The following CACYBP variants were observed in gnomAD, a reference collection of about 807,000 sequenced individuals.
CACYBP encodes the protein calcyclin-binding protein.
A neutral mutation model predicts 29.6 loss-of-function variants in CACYBP; 11 were observed. The observed-to-expected ratio is 0.37, with a 90% CI of 0.23 to 0.61. CACYBP has a LOEUF of 0.61. Ranked by LOEUF, CACYBP falls within the 20% of genes least tolerant of loss-of-function variation. The pLI is 0.65. For missense variants in CACYBP, 163 were observed against 260.7 expected (o/e 0.63, Z 2.58); for synonymous variants, 73 against 88.3 (o/e 0.83, Z 0.97).
At chr1:175,003,819 A>G (rs1004023916) in intron 1 of CACYBP, among the ~76,000 whole-genome samples, 1 of 152,246 alleles carries the variant, frequency 6.6e-6, no homozygotes, top group Admixed American at 6.5e-5. Context: ...TAACTCTTGA[A>G]TTTCATAAAA....
rs1024174184 is a variant in CACYBP, at chr1:175,010,814, G to A, written c.*735G>A. ...TTTTTCTTCATTAGAACAGTTTTATGATTTATTTGTCTAGGAGTATGTCAG... is the reference window on the plus strand; with the variant it reads ...TTTTTCTTCATTAGAACAGTTTTATAATTTATTTGTCTAGGAGTATGTCAG... On this transcript the variant is annotated 3_prime_UTR_variant, in exon 6 of 6. Transcript: ENST00000367679. 1 of 152,152 alleles carries A rather than the reference G, an allele frequency of 6.6e-6. No individual in the cohort carries two copies. The highest frequency in any genetic ancestry group is 1.5e-5 in the Non-Finnish European group (1 of 68,022). The allele number at this position is 152,152 out of a possible 1,614,324, so 9.4% of individuals were successfully genotyped here.
intron 1 of CACYBP, among the ~76,000 whole-genome samples, chr1:175,001,773 G>A (rs1672494302): frequency 6.6e-6 from 1 of 152,122 alleles, no homozygotes; most frequent in African/African-American, 2.4e-5. Context: ...ACGGAGTCTC[G>A]CTCTGTCGCC....
At chr1:175,001,369 G>T (rs7537508) in intron 1 of CACYBP, among the ~76,000 whole-genome samples, 26,156 of 152,192 alleles carry the variant, frequency 0.17, 2,615 homozygotes, top group Non-Finnish European at 0.23. Flanking sequence ...TACAATTCAG[G>T]TATTTGTTTT....
At chr1:175,002,417 T>G (rs1272956023) in intron 1 of CACYBP, among the ~76,000 whole-genome samples, 1 of 152,250 alleles carries the variant, frequency 6.6e-6, no homozygotes, top group Non-Finnish European at 1.5e-5. Flanking sequence ...TGTCCATTTC[T>G]GTGTCTTTGG....
At chr1:174,999,774 A>G (rs1672412411), upstream of CACYBP, 1 of 317,096 alleles carries the variant, frequency 3.2e-6, no homozygotes, top group African/African-American at 2.3e-5. Flanking sequence ...ATTATAATAC[A>G]TAAAAGTTGT....
chr1:175,002,658 C>A (rs1284769710), intron 1 of CACYBP, among the ~76,000 whole-genome samples: 2 of 152,140 alleles, frequency 1.3e-5, no homozygotes, highest in Non-Finnish European at 2.9e-5. Context: ...GCAGAAAAAG[C>A]ATCAAAGGAA....
chr1:175,008,440 C>CA (rs1245374868), intron 4 of CACYBP, among the ~76,000 whole-genome samples, 169 bp from the exon 5 acceptor site: 4 of 152,228 alleles, frequency 2.6e-5, no homozygotes, highest in African/African-American at 9.6e-5. Context: ...ATGGTCTTTT[C>CA]ACACCATGAA....
intron 2 of CACYBP, chr1:175,006,433 A>G (rs1672620702): frequency 5.4e-6 from 1 of 184,950 alleles, no homozygotes; most frequent in African/African-American, 2.4e-5. Context: ...TAAATGAACT[A>G]ATCTTAAAGA....
chr1:175,000,952 C>G (rs922131736), intron 1 of CACYBP, among the ~76,000 whole-genome samples: 1 of 152,118 alleles, frequency 6.6e-6, no homozygotes, highest in Admixed American at 6.5e-5. Flanking sequence ...TTGCTCATTT[C>G]CTGGCGTAAG....
At chr1:175,005,385 C>T (rs1020154406) in intron 2 of CACYBP, among the ~76,000 whole-genome samples, 5 of 152,108 alleles carry the variant, frequency 3.3e-5, no homozygotes, top group African/African-American at 1.2e-4. Context: ...GGCGGCAGCG[C>T]AACTTGAATA....
At position 175,008,634 on chromosome 1, in the gene CACYBP, T is replaced by A; in HGVS notation, c.458T>A (p.Leu153Ter). The change falls in exon 5 of 6, where the codon TTG becomes TAG. Residue 153 changes from leucine to a stop codon, truncating the protein, a stop_gained. Transcript: ENST00000367679. LOFTEE classifies it high-confidence loss of function. ...KKVKTDTVLI[L>*]CRKKVENTRW... Reference sequence around the variant, plus strand: ...GTCAAGACTGATACAGTTCTTATATTGTGTAGAAAGAAAGTGGAAAACACA... The same window carrying A: ...GTCAAGACTGATACAGTTCTTATATAGTGTAGAAAGAAAGTGGAAAACACA... 6.3e-7 allele frequency: 1 copy of A among 1,579,984 alleles called. No individual in the cohort carries two copies. Among genetic ancestry groups the A allele is most frequent in the Non-Finnish European group, 8.7e-7 (1 of 1,149,062 alleles).
At chr1:175,000,914 T>G (rs1168587894) in intron 1 of CACYBP, among the ~76,000 whole-genome samples, 3 of 152,218 alleles carry the variant, frequency 2.0e-5, no homozygotes, top group African/African-American at 7.2e-5. Context: ...GTTTGCTCAG[T>G]TAGAAAATGG....
intron 5 of CACYBP, 48 bp downstream of exon 5, chr1:175,008,754 A>T (rs562779249): frequency 1.1e-6 from 1 of 903,056 alleles, no homozygotes; most frequent in African/African-American, 1.6e-5. Context: ...ATTGTTTGAG[A>T]TCATGGATTT....
chr1:175,009,643 C>CAAAAAA (rs67446162), intron 5 of CACYBP, among the ~76,000 whole-genome samples: 16 of 100,498 alleles, frequency 1.6e-4, no homozygotes, highest in Non-Finnish European at 2.9e-4. Context: ...AGGACTGTCT[C>CAAAAAA]AAAAAAAAAA....
At chr1:175,009,134 T>C (rs1448283925) in intron 5 of CACYBP, among the ~76,000 whole-genome samples, 1 of 152,212 alleles carries the variant, frequency 6.6e-6, no homozygotes, top group Admixed American at 6.5e-5. Flanking sequence ...GTTCATCTTC[T>C]AAAGGTACTG....
rs568514178 is a variant in CACYBP, at chr1:175,010,565, T to C, written c.*486T>C. 1.3e-5 allele frequency: 2 copies of C among 152,696 alleles called. No individual in the cohort carries two copies. The highest frequency in any genetic ancestry group is 4.1e-4 in the South Asian group (2 of 4,858). 9.5% of individuals were successfully genotyped at this position (152,696 alleles called of 1,614,324 possible). ...TTATTACCACCTTAAGCAATGTATATGCCATGCATTACCATGCACTAATTC... is the reference window on the plus strand; with the variant it reads ...TTATTACCACCTTAAGCAATGTATACGCCATGCATTACCATGCACTAATTC... On this transcript the variant is annotated 3_prime_UTR_variant, in exon 6 of 6. Coordinates refer to ENST00000367679, the MANE Select transcript of CACYBP (RefSeq NM_014412.3).
intron 2 of CACYBP, 171 bp downstream of exon 2, chr1:175,005,004 C>A: frequency 3.0e-6 from 2 of 657,796 alleles, no homozygotes; most frequent in South Asian, 1.7e-5. Context: ...GGAAAGGATG[C>A]GTTCTAGAAG....
chr1:175,005,990 G>T lies in CACYBP; in HGVS notation c.236-755G>T, dbSNP rs144527046. 3.3e-3 allele frequency among the ~76,000 whole-genome samples: 495 copies of T among 152,212 alleles called. 3 individuals carry two copies. The highest frequency in any genetic ancestry group is 0.011 in the African/African-American group (458 of 41,538). On this transcript the variant is annotated intron_variant, in intron 2 of 5. Coordinates refer to ENST00000367679, the MANE Select transcript of CACYBP (RefSeq NM_014412.3). ...TGTGAAAAACGTCATGGAGGATGGG[G>T]CATGTTTCTATTCTATAGGACTAAG...
Position 175,010,219 on chromosome 1 carries a change from A to G in CACYBP, c.*140A>G. On this transcript the variant is annotated 3_prime_UTR_variant, in exon 6 of 6. Transcript: ENST00000367679. Reference sequence around the variant, plus strand: ...TCTAAGTAAAGGCAATGAATTCTCCATTTCCTACTGGAGGATTTATTTAAA... The same window carrying G: ...TCTAAGTAAAGGCAATGAATTCTCCGTTTCCTACTGGAGGATTTATTTAAA... The G allele has an allele frequency of 1.6e-6, 1 of 633,806 alleles. No individual in the cohort carries two copies. Among genetic ancestry groups the G allele is most frequent in the Non-Finnish European group, 2.7e-6 (1 of 368,356 alleles). 39.3% of individuals were successfully genotyped at this position (633,806 alleles called of 1,614,324 possible).
Sources: allele counts gnomAD v4.1 joint callset (sites outside exome capture counted in the v4.1 genomes callset), GRCh38; gene constraint gnomAD v4.1.1; transcripts MANE v1.5; gene names NCBI Gene and HGNC (gene_info 2026-07-23, HGNC 2026-07-21).